MKLN1: variants seen among roughly 807,000 people sequenced by gnomAD.
MKLN1 encodes muskelin 1.
In MKLN1, 18 loss-of-function variants were observed where a neutral mutation model predicts 99.0. The ratio of observed to expected loss-of-function variants is 0.18; its 90% confidence interval spans 0.13 to 0.27. The LOEUF (loss-of-function observed/expected upper bound fraction) is 0.27, where lower values mean the gene tolerates loss of function less well. MKLN1 is among the 10% of genes least tolerant of loss of function. MKLN1 has a pLI of 1.00. For missense variants in MKLN1, 621 were observed against 875.9 expected, an observed-to-expected ratio of 0.71 and a Z score of 3.67; for synonymous variants, 288 against 293.2, an observed-to-expected ratio of 0.98 and a Z score of 0.18.
At chr7:131,264,058 G>C (rs951431964) in intron 3 of MKLN1, among the ~76,000 whole-genome samples, 6 of 152,102 alleles carry the variant, frequency 3.9e-5, no homozygotes, top group Non-Finnish European at 7.3e-5. Context: ...GTTCCATCAG[G>C]GCAAAAATTT....
At chr7:131,124,469 A>C (rs1490362279) in intron 1 of MKLN1, among the ~76,000 whole-genome samples, 1 of 152,162 alleles carries the variant, frequency 6.6e-6, no homozygotes, top group Non-Finnish European at 1.5e-5. Flanking sequence ...TTGTCTAAGG[A>C]GCCCTACTTA....
intron 3 of MKLN1, among the ~76,000 whole-genome samples, chr7:131,265,994 C>T (rs529453422): frequency 1.6e-4 from 25 of 151,976 alleles, no homozygotes; most frequent in Admixed American, 5.2e-4. Context: ...ATCAACATGG[C>T]GAAACCCTAT....
chr7:131,377,097 A>G (rs1324935601), intron 2 of MKLN1, among the ~76,000 whole-genome samples: 3 of 152,178 alleles, frequency 2.0e-5, no homozygotes, highest in Non-Finnish European at 4.4e-5. Flanking sequence ...GGCTTTTTAC[A>G]GTTCTTCGCT....
intron 1 of MKLN1, among the ~76,000 whole-genome samples, chr7:131,126,623 G>C (rs1795465854): frequency 6.6e-6 from 1 of 152,080 alleles, no homozygotes; most frequent in Non-Finnish European, 1.5e-5. Context: ...GTGCGATCTT[G>C]GCTCACTGCA....
intron 3 of MKLN1, among the ~76,000 whole-genome samples, chr7:131,213,811 T>A (rs1402688004): frequency 6.6e-6 from 1 of 152,230 alleles, no homozygotes; most frequent in East Asian, 1.9e-4. Flanking sequence ...ATTATTTTTC[T>A]TATTGCTTCG....
chr7:131,213,565 T>A (rs568692135), intron 3 of MKLN1, among the ~76,000 whole-genome samples: 2 of 152,340 alleles, frequency 1.3e-5, no homozygotes, highest in African/African-American at 4.8e-5. Flanking sequence ...TCCTCACCTC[T>A]AACAGCCAAG....
intron 3 of MKLN1, among the ~76,000 whole-genome samples, chr7:131,233,636 T>C (rs1797275262): frequency 6.6e-6 from 1 of 151,736 alleles, no homozygotes; most frequent in South Asian, 2.1e-4. Flanking sequence ...AACATAAAAA[T>C]ATATGAGGTA....
intron 12 of MKLN1, among the ~76,000 whole-genome samples, chr7:131,446,590 A>G (rs1046487500): frequency 6.6e-6 from 1 of 152,218 alleles, no homozygotes; most frequent in Non-Finnish European, 1.5e-5. Flanking sequence ...TTGCTTATAG[A>G]TTGGTGTTTT....
rs1472224540 is a variant in MKLN1 at position 131,491,672 on chromosome 7, G to A, written c.*3944G>A. The A allele has an allele frequency of 6.6e-6, 1 of 152,216 alleles. No homozygotes were observed. Among genetic ancestry groups the A allele is most frequent in the Non-Finnish European group, 1.5e-5 (1 of 68,014 alleles). 9.4% of individuals were successfully genotyped at this position (152,216 alleles called of 1,614,324 possible). On this transcript the variant is annotated 3_prime_UTR_variant, in exon 18 of 18. Coordinates refer to ENST00000352689, the MANE Select transcript of MKLN1 (RefSeq NM_013255.5). ...ATGATGTTGCCCTCATTTGTTTTGG[G>A]TGAGGACTCATTACTGCAGTATATT...
rs182295161 is a variant in MKLN1 at position 131,438,240 on chromosome 7, C to T, written c.1173+243C>T. Among the ~76,000 whole-genome samples, 22 of 151,650 alleles carry T rather than the reference C, an allele frequency of 1.5e-4. 1 individual carries two copies. The highest frequency in any genetic ancestry group is 2.1e-4 in the Non-Finnish European group (14 of 67,922). ...GACTGTTGATTTATAGAAACTTTAG[C>T]GAGTAGATGGAGCAATATTAGGAAA... is the stretch of plus-strand genomic sequence containing the variant. On this transcript the variant is annotated intron_variant, in intron 10 of 17. Coordinates refer to ENST00000352689, the MANE Select transcript of MKLN1 (RefSeq NM_013255.5).
intron 1 of MKLN1, among the ~76,000 whole-genome samples, chr7:131,124,244 A>G (rs1208336598): frequency 6.6e-6 from 1 of 152,232 alleles, no homozygotes; most frequent in Non-Finnish European, 1.5e-5. Flanking sequence ...TAGGTAACTT[A>G]TTCAAAAGAA....
intron 2 of MKLN1, among the ~76,000 whole-genome samples, chr7:131,385,089 C>T (rs1793969393): frequency 6.6e-6 from 1 of 152,184 alleles, no homozygotes; most frequent in African/African-American, 2.4e-5. Flanking sequence ...CTTTATGCCT[C>T]TATGCATTTA....
chr7:131,267,032 C>T (rs1013883842), intron 3 of MKLN1, among the ~76,000 whole-genome samples: 1 of 151,938 alleles, frequency 6.6e-6, no homozygotes, highest in African/African-American at 2.4e-5. Flanking sequence ...AGGGACTCTT[C>T]TAAGAAATGA....
At chr7:131,435,303 C>G (rs145226346) in intron 9 of MKLN1, among the ~76,000 whole-genome samples, 340 of 152,198 alleles carry the variant, frequency 2.2e-3, no homozygotes, top group African/African-American at 7.4e-3. Flanking sequence ...ATAAGGGGTC[C>G]TAGCCATCTG....
At chr7:131,218,932 G>A (rs572901426) in intron 3 of MKLN1, among the ~76,000 whole-genome samples, 1 of 152,292 alleles carries the variant, frequency 6.6e-6, no homozygotes, top group East Asian at 1.9e-4. Flanking sequence ...ACAAGATAGT[G>A]CCTGTCTTTC....
intron 1 of MKLN1, among the ~76,000 whole-genome samples, chr7:131,343,189 G>C (rs1207793961): frequency 6.6e-6 from 1 of 152,128 alleles, no homozygotes; most frequent in Non-Finnish European, 1.5e-5. Flanking sequence ...TGCATTTCTT[G>C]AATGTAGGAA....
At chr7:131,283,390 TTCCTTC>T (rs1364346445) in intron 3 of MKLN1, among the ~76,000 whole-genome samples, 1 of 105,878 alleles carries the variant, frequency 9.4e-6, no homozygotes, top group African/African-American at 3.6e-5. Flanking sequence ...CCTTCCTTCC[TTCCTTC>T]CTTCCTCTCT....
At chr7:131,139,313 A>G (rs1795696954) in intron 1 of MKLN1, among the ~76,000 whole-genome samples, 1 of 151,822 alleles carries the variant, frequency 6.6e-6, no homozygotes, top group Non-Finnish European at 1.5e-5. Context: ...GCTCTAACCC[A>G]TTTTTGGCCC....
intron 12 of MKLN1, among the ~76,000 whole-genome samples, chr7:131,450,081 A>G (rs1019770368): frequency 2.6e-5 from 4 of 152,030 alleles, no homozygotes; most frequent in African/African-American, 4.8e-5. Context: ...TCTTCTCTCT[A>G]TTCCCATTGC....
Sources: allele counts gnomAD v4.1 joint callset (sites outside exome capture counted in the v4.1 genomes callset), GRCh38; gene constraint gnomAD v4.1.1; transcripts MANE v1.5; gene names NCBI Gene and HGNC (gene_info 2026-07-23, HGNC 2026-07-21).